PBX3: variants seen among roughly 807,000 people sequenced by gnomAD.
The protein encoded by PBX3 is pre-B-cell leukemia transcription factor 3.
Under a neutral mutation model 48.5 loss-of-function variants are expected in PBX3, and 14 were observed. The observed-to-expected ratio is 0.29, with a 90% CI of 0.19 to 0.45. The LOEUF is 0.45. Among genes scored for constraint, PBX3 ranks in the 20% least tolerant of loss-of-function variants. PBX3 has a pLI of 1.00. For synonymous variants in PBX3, 210 were observed against 200.3 expected (o/e 1.05, Z -0.41); for missense variants, 386 against 546.7 (o/e 0.71, Z 2.93).
At chr9:125,804,419 A>G (rs1384080680) in intron 2 of PBX3, among the ~76,000 whole-genome samples, 3 of 152,174 alleles carry the variant, frequency 2.0e-5, no homozygotes, top group African/African-American at 7.2e-5. Flanking sequence ...CTGTGGCTGC[A>G]AGCATTCTTG....
chr9:125,791,345 A>ATCTATCTG (rs781448108), intron 2 of PBX3, among the ~76,000 whole-genome samples: 1 of 149,350 alleles, frequency 6.7e-6, no homozygotes, highest in African/African-American at 2.5e-5. Context: ...CTATCTATCT[A>ATCTATCTG]TCTCTGTCAA....
At chr9:125,960,045 C>T (rs1343454736) in intron 5 of PBX3, among the ~76,000 whole-genome samples, 1 of 152,212 alleles carries the variant, frequency 6.6e-6, no homozygotes, top group East Asian at 1.9e-4. Flanking sequence ...ATATATTCCA[C>T]CTGATGACAT....
intron 2 of PBX3, among the ~76,000 whole-genome samples, chr9:125,786,113 AG>A (rs1837450519): frequency 6.6e-6 from 1 of 152,134 alleles, no homozygotes; most frequent in Non-Finnish European, 1.5e-5. Flanking sequence ...CACTCCCAAA[AG>A]GGGGAAATTA....
At chr9:125,937,615 A>C (rs757780973) in intron 5 of PBX3, among the ~76,000 whole-genome samples, 1 of 152,206 alleles carries the variant, frequency 6.6e-6, no homozygotes. Flanking sequence ...GTTTTTAAAA[A>C]GTGAAAGCAA....
intron 2 of PBX3, among the ~76,000 whole-genome samples, chr9:125,754,819 G>A (rs1035451671): frequency 2.0e-5 from 3 of 151,948 alleles, no homozygotes; most frequent in Non-Finnish European, 4.4e-5. Flanking sequence ...CTGAATTGGC[G>A]TAACTTTTTT....
intron 8 of PBX3, among the ~76,000 whole-genome samples, chr9:125,963,435 T>C (rs1184093577): frequency 6.6e-6 from 1 of 152,050 alleles, no homozygotes; most frequent in Non-Finnish European, 1.5e-5. Context: ...CGGGAAAAAT[T>C]CCCAAACAGA....
chr9:125,911,215 C>A (rs1841196551), intron 2 of PBX3, among the ~76,000 whole-genome samples: 1 of 152,086 alleles, frequency 6.6e-6, no homozygotes, highest in African/African-American at 2.4e-5. Context: ...CATTTCATTT[C>A]CAGATGTCCT....
intron 2 of PBX3, among the ~76,000 whole-genome samples, chr9:125,819,386 TG>T (rs1838578513): frequency 6.6e-6 from 1 of 151,350 alleles, no homozygotes; most frequent in African/African-American, 2.4e-5. Context: ...ATTAGCTGGG[TG>T]TGGTGGTTCA....
intron 5 of PBX3, among the ~76,000 whole-genome samples, chr9:125,943,826 C>A (rs1444291282): frequency 6.6e-6 from 1 of 151,416 alleles, no homozygotes; most frequent in Non-Finnish European, 1.5e-5. Context: ...ACCCACTTGG[C>A]CTGAAGAGAT....
chr9:125,790,776 G>A (rs1042273104), intron 2 of PBX3, among the ~76,000 whole-genome samples: 16 of 151,816 alleles, frequency 1.1e-4, no homozygotes, highest in African/African-American at 1.7e-4. Flanking sequence ...TATGTTGCCC[G>A]GACTGGTCTT....
chr9:125,900,781 TG>T (rs1478646701), intron 2 of PBX3, among the ~76,000 whole-genome samples: 1 of 151,810 alleles, frequency 6.6e-6, no homozygotes, highest in Non-Finnish European at 1.5e-5. Flanking sequence ...ATGTGCTGAA[TG>T]TGGAATTTAT....
chr9:125,836,172 G>T (rs567580600), intron 2 of PBX3, among the ~76,000 whole-genome samples: 1 of 152,152 alleles, frequency 6.6e-6, no homozygotes, highest in Non-Finnish European at 1.5e-5. Context: ...TTGGCTGGGC[G>T]CGGTGGCTCA....
At chr9:125,805,855 T>A (rs968832625) in intron 2 of PBX3, among the ~76,000 whole-genome samples, 2 of 152,216 alleles carry the variant, frequency 1.3e-5, no homozygotes, top group Non-Finnish European at 2.9e-5. Flanking sequence ...GAAATATTTA[T>A]TAAGGTTCTG....
chr9:125,864,554 C>T (rs955588493), intron 2 of PBX3, among the ~76,000 whole-genome samples: 7 of 152,262 alleles, frequency 4.6e-5, no homozygotes, highest in East Asian at 1.9e-4. Context: ...TTCAACTAGA[C>T]GGTCCTATCT....
Position 125,748,560 on chromosome 9 carries a change from C to G in PBX3, c.211C>G (p.Leu71Val). The change falls in exon 2 of 9, where the codon CTG (leucine) becomes GTG (valine). Residue 71 changes from leucine to valine, a missense_variant. By Grantham distance (32) the Leu-to-Val change is conservative. Coordinates refer to ENST00000373489, the MANE Select transcript of PBX3 (RefSeq NM_006195.6). ...LDEAQAKKHA[L>V]NCHRMKPALF... ...TTATTTGTTTTTTAGGAAACATGCC[C>G]TGAACTGTCACAGAATGAAACCAGC... The G allele has an allele frequency of 6.2e-7, 1 of 1,613,810 alleles. No individual in the cohort carries two copies.
intron 2 of PBX3, among the ~76,000 whole-genome samples, chr9:125,778,119 C>G (rs1168733715): frequency 6.6e-6 from 1 of 152,000 alleles, no homozygotes; most frequent in East Asian, 1.9e-4. Flanking sequence ...TACCACCACA[C>G]CTGGCTAATT....
At chr9:125,768,123 T>TG (rs1227197200) in intron 2 of PBX3, among the ~76,000 whole-genome samples, 2 of 143,096 alleles carry the variant, frequency 1.4e-5, no homozygotes, top group East Asian at 4.1e-4. Flanking sequence ...ATAAGGTCCT[T>TG]GGGGGTGGTG....
chr9:125,913,641 A>G (rs1841257476), intron 2 of PBX3, among the ~76,000 whole-genome samples: 1 of 152,120 alleles, frequency 6.6e-6, no homozygotes, highest in Admixed American at 6.6e-5. Flanking sequence ...GGGAAGTGTA[A>G]TCATTTTGGG....
Position 125,915,827 on chromosome 9 carries a change from C to T in PBX3, c.416C>T (p.Ser139Phe). The T allele has an allele frequency of 1.2e-6, 2 of 1,614,110 alleles. No homozygotes were observed. Among genetic ancestry groups the T allele is most frequent in the Non-Finnish European group, 1.7e-6 (2 of 1,180,008 alleles). The change falls in exon 3 of 9, where the codon TCT (serine) becomes TTT (phenylalanine). Residue 139 changes from serine (S) to phenylalanine (F), a missense_variant. Ser to Phe is a radical substitution (Grantham distance 155). Transcript: ENST00000373489. The part of the protein sequence containing the change: ...SAAAAAAAAA[S>F]GGSSDNSIEH... The stretch of plus-strand genomic sequence containing the variant: ...GCAGCAGCTGCAGCCGCGGCAGCCT[C>T]TGGAGGTTCTTCAGATAACTCTATT...
Sources: allele counts gnomAD v4.1 joint callset (sites outside exome capture counted in the v4.1 genomes callset), GRCh38; gene constraint gnomAD v4.1.1; transcripts MANE v1.5; gene names NCBI Gene and HGNC (gene_info 2026-07-23, HGNC 2026-07-21).